Variants in MOB3B observed in about 807,000 individuals in gnomAD.
The protein encoded by MOB3B is MOB kinase activator 3B, also known as MOB kinase activator-like 2B.
In MOB3B, 7 loss-of-function variants were observed where a neutral mutation model predicts 18.7. That is an observed-to-expected ratio of 0.37 (90% CI 0.21 to 0.70). The LOEUF (loss-of-function observed/expected upper bound fraction) is 0.70. Among genes scored for constraint, MOB3B ranks in the 30% least tolerant of loss-of-function variants. The pLI is 0.52. For synonymous variants in MOB3B, 111 were observed against 99.9 expected, an observed-to-expected ratio of 1.11 and a Z score of -0.66; for missense variants, 253 against 281.3, an observed-to-expected ratio of 0.90 and a Z score of 0.72.
chr9:27,379,810 C>T (rs1444388259), intron 2 of MOB3B, among the ~76,000 whole-genome samples: 1 of 152,178 alleles, frequency 6.6e-6, no homozygotes, highest in African/African-American at 2.4e-5. Context: ...GGCATAAAGT[C>T]TAACTATTTC....
Position 27,475,319 on chromosome 9 carries a change from G to A in MOB3B, c.-198-19571C>T, listed in dbSNP as rs557587400. Reference sequence around the variant, plus strand: ...TCAGCCTTGGGAGAGATCCTGAACCGGAGAACCCAGCTACGCTGTACTCTG... The same window carrying A: ...TCAGCCTTGGGAGAGATCCTGAACCAGAGAACCCAGCTACGCTGTACTCTG... On this transcript the variant is annotated intron_variant, in intron 1 of 3. Coordinates refer to ENST00000262244, the MANE Select transcript of MOB3B (RefSeq NM_024761.5). 4.6e-5 allele frequency among the ~76,000 whole-genome samples: 7 copies of A among 152,336 alleles called. No individual in the cohort carries two copies. The East Asian group carries it at 5.8e-4, about 13-fold the overall frequency.
chr9:27,405,028 AT>A (rs71492745), intron 2 of MOB3B, among the ~76,000 whole-genome samples: 2 of 136,866 alleles, frequency 1.5e-5, no homozygotes, highest in Non-Finnish European at 3.1e-5. Flanking sequence ...TGTTGAACAT[AT>A]TTTCATGTAC....
intron 2 of MOB3B, among the ~76,000 whole-genome samples, chr9:27,362,914 T>C (rs753901424): frequency 4.6e-5 from 7 of 152,172 alleles, no homozygotes; most frequent in South Asian, 2.1e-4. Flanking sequence ...CCTCAGAAGG[T>C]GGGACTTGGA....
At chr9:27,439,960 G>A (rs1413637507) in intron 2 of MOB3B, among the ~76,000 whole-genome samples, 1 of 152,092 alleles carries the variant, frequency 6.6e-6, no homozygotes. Context: ...GGGGGGTAAG[G>A]CTGTTGTGAG....
intron 3 of MOB3B, among the ~76,000 whole-genome samples, chr9:27,337,853 A>G (rs911446991): frequency 6.6e-6 from 1 of 152,166 alleles, no homozygotes; most frequent in Non-Finnish European, 1.5e-5. Context: ...AGGCAGTGGT[A>G]TTGTGGTAAG....
intron 1 of MOB3B, among the ~76,000 whole-genome samples, chr9:27,485,165 A>C (rs1819715662): frequency 6.6e-6 from 1 of 152,236 alleles, no homozygotes; most frequent in Non-Finnish European, 1.5e-5. Context: ...TATATCACTT[A>C]TTCTACAATA....
intron 2 of MOB3B, among the ~76,000 whole-genome samples, chr9:27,380,306 C>T (rs1267243965): frequency 6.7e-6 from 1 of 148,738 alleles, no homozygotes; most frequent in African/African-American, 2.5e-5. Context: ...CACTCTGTCG[C>T]CAGGCTGGAG....
chr9:27,398,000 T>G (rs1424135016), intron 2 of MOB3B, among the ~76,000 whole-genome samples: 3 of 152,318 alleles, frequency 2.0e-5, no homozygotes, highest in Non-Finnish European at 4.4e-5. Flanking sequence ...ACTGATAAAT[T>G]TTTTACCCAA....
chr9:27,338,236 A>G lies in MOB3B; in HGVS notation c.622-7620T>C, dbSNP rs748780914. On this transcript the variant is annotated intron_variant, in intron 3 of 3. Coordinates refer to ENST00000262244, the MANE Select transcript of MOB3B (RefSeq NM_024761.5). ...ATCTTTGCACACTTGTTCCTTCTGC[A>G]TGGAGAGCCCTATTTCCTTGTTTCC... Among the ~76,000 whole-genome samples, 10 of 152,078 alleles carry G rather than the reference A, an allele frequency of 6.6e-5. 1 individual carries two copies. The highest frequency in any genetic ancestry group is 2.0e-4 in the Admixed American group (3 of 15,262).
chr9:27,459,917 T>C (rs1819257362), intron 1 of MOB3B, among the ~76,000 whole-genome samples: 1 of 150,402 alleles, frequency 6.6e-6, no homozygotes, highest in South Asian at 2.1e-4. Context: ...GTTTTCCTTC[T>C]AAGTAGAAAT....
At chr9:27,435,047 TTCTC>T (rs60408942) in intron 2 of MOB3B, among the ~76,000 whole-genome samples, 4,457 of 145,876 alleles carry the variant, frequency 0.031, 102 homozygotes, top group African/African-American at 0.063. Flanking sequence ...TGTAAGGTGT[TTCTC>T]TCTCTCTCTC....
chr9:27,357,145 TG>T (rs1375410521), intron 3 of MOB3B, among the ~76,000 whole-genome samples: 1,255 of 71,334 alleles, frequency 0.018, 103 homozygotes, highest in African/African-American at 0.061. Flanking sequence ...TATATATATA[TG>T]TGTTTTTTTT....
chr9:27,338,145 G>T (rs917973970), intron 3 of MOB3B, among the ~76,000 whole-genome samples: 1 of 151,984 alleles, frequency 6.6e-6, no homozygotes, highest in Admixed American at 6.6e-5. Flanking sequence ...GACTTGCAAG[G>T]ACTTCTGGAT....
At chr9:27,370,510 G>GA (rs956817376) in intron 2 of MOB3B, among the ~76,000 whole-genome samples, 9,269 of 140,436 alleles carry the variant, frequency 0.066, 767 homozygotes, top group African/African-American at 0.19. Flanking sequence ...CTCCATCTCA[G>GA]AAAAAAAAAA....
chr9:27,417,934 A>G (rs904465278), intron 2 of MOB3B, among the ~76,000 whole-genome samples: 25 of 151,946 alleles, frequency 1.6e-4, no homozygotes, highest in African/African-American at 5.6e-4. Flanking sequence ...TGTACTAAAA[A>G]TTCAAAAATT....
intron 2 of MOB3B, among the ~76,000 whole-genome samples, chr9:27,383,361 C>T (rs1482665076): frequency 2.0e-5 from 3 of 152,180 alleles, no homozygotes; most frequent in Non-Finnish European, 4.4e-5. Context: ...CTCATTTCTG[C>T]CTTTATGAAG....
At chr9:27,522,407 CAA>C (rs984743413) in intron 1 of MOB3B, among the ~76,000 whole-genome samples, 15 of 127,886 alleles carry the variant, frequency 1.2e-4, no homozygotes, top group African/African-American at 4.2e-4. Flanking sequence ...GCATATATAT[CAA>C]GACATTTTTT....
rs188289906 is a variant in MOB3B, at chr9:27,401,953, G to A, written c.419-42717C>T. 2.0e-4 allele frequency among the ~76,000 whole-genome samples: 31 copies of A among 152,216 alleles called. No individual in the cohort carries two copies. The East Asian group carries it at 3.7e-3, about 18-fold the overall frequency. ...TTCTGGTCTCTTCCAACAGCCTAGC[G>A]CATAATGTGCAGATATTTCTGTCCT... On this transcript the variant is annotated intron_variant, in intron 2 of 3. Transcript: ENST00000262244.
intron 3 of MOB3B, among the ~76,000 whole-genome samples, chr9:27,335,159 G>C (rs1353202673): frequency 2.0e-5 from 3 of 152,222 alleles, no homozygotes; most frequent in Non-Finnish European, 2.9e-5. Context: ...ATGTTTACTA[G>C]GGGACAGTCA....
Sources: allele counts gnomAD v4.1 joint callset (sites outside exome capture counted in the v4.1 genomes callset), GRCh38; gene constraint gnomAD v4.1.1; transcripts MANE v1.5; gene names NCBI Gene and HGNC (gene_info 2026-07-23, HGNC 2026-07-21).